Variants in CCDC77 observed in about 807,000 individuals in gnomAD.
CCDC77 encodes the protein coiled-coil domain containing 77, also known as coiled-coil domain-containing protein 77.
Under a neutral mutation model 66.8 loss-of-function variants are expected in CCDC77, and 56 were observed. That is an observed-to-expected ratio of 0.84 (90% CI 0.68 to 1.05). CCDC77 has a LOEUF of 1.05. CCDC77 is among the 50% of genes least tolerant of loss of function. CCDC77 has a pLI of 0.00. For synonymous variants in CCDC77, 196 were observed against 195.2 expected (o/e 1.00, Z -0.03); for missense variants, 570 against 576.8 (o/e 0.99, Z 0.12).
rs532351706 is a variant in CCDC77, at chr12:409,759, G to C, written c.38+338G>C. ...TCCTGTAATCCCAGCACTTTGGGAGGCTGAGGTGGGCAGGTCACAAGGTCA... is the reference window on the plus strand; with the variant it reads ...TCCTGTAATCCCAGCACTTTGGGAGCCTGAGGTGGGCAGGTCACAAGGTCA... On this transcript the variant is annotated intron_variant, in intron 3 of 12. Transcript: ENST00000239830. The C allele has an allele frequency of 1.7e-5, 3 of 175,512 alleles. No homozygotes were observed. In the Admixed American group the frequency reaches 1.8e-4, roughly 11 times the overall value. 10.9% of individuals were successfully genotyped at this position (175,512 alleles called of 1,614,324 possible). A position where few individuals can be genotyped will look rare whatever the true frequency, so the allele number is the denominator to read the frequency against.
At position 409,370 on chromosome 12, in the gene CCDC77, G is replaced by A; in HGVS notation, c.-14G>A. Reference sequence around the variant, plus strand: ...ATGAATTTTTGTGTATTTGATAGGTGTGAAAAAGACAGCATGAACTTTACC... The same window carrying A: ...ATGAATTTTTGTGTATTTGATAGGTATGAAAAAGACAGCATGAACTTTACC... On this transcript the variant is annotated splice_region_variant and 5_prime_UTR_variant, in exon 3 of 13. It adds an upstream start codon to the 5' untranslated region. Transcript: ENST00000239830. 1.2e-6 allele frequency: 2 copies of A among 1,611,604 alleles called. No homozygotes were observed. Among genetic ancestry groups the A allele is most frequent in the Middle Eastern group, 1.7e-4 (1 of 6,058 alleles).
At chr12:414,195 G>A (rs1297734667) in intron 4 of CCDC77, among the ~76,000 whole-genome samples, 1 of 149,570 alleles carries the variant, frequency 6.7e-6, no homozygotes, top group Admixed American at 6.6e-5. Context: ...GGGTTCAAAC[G>A]ATTCTCCTAC....
chr12:428,699 C>A, intron 5 of CCDC77, 70 bp from the exon 6 acceptor site: 2 of 1,022,050 alleles, frequency 2.0e-6, no homozygotes, highest in Non-Finnish European at 2.9e-6. Context: ...AAGGGAGATC[C>A]TTTAAACAGA....
Position 440,955 on chromosome 12 carries a change from C to T in CCDC77, c.1279C>T (p.Leu427Phe), listed in dbSNP as rs771617078. ...VEGFKTDIKV[L>F]RQKLKDLEQM... ...AGGCTTTAAGACAGATATTAAAGTT[C>T]TCCGACAGAAACTGAAAGACTTGGA... The change falls in exon 12 of 13, where the codon CTC becomes TTC. Residue 427 changes from leucine (L) to phenylalanine (F), a missense_variant. Leu to Phe is a conservative substitution (Grantham distance 22, BLOSUM62 0). Transcript: ENST00000239830. 17 of 1,612,996 alleles carry T rather than the reference C, an allele frequency of 1.1e-5. No individual in the cohort carries two copies. The highest frequency in any genetic ancestry group is 1.6e-4 in the Middle Eastern group (1 of 6,084).
chr12:406,349 A>G (rs556290171), intron 2 of CCDC77, among the ~76,000 whole-genome samples: 1 of 152,330 alleles, frequency 6.6e-6, no homozygotes, highest in South Asian at 2.1e-4. Context: ...ATAAATGGGG[A>G]AAGAACATCA....
chr12:433,352 G>C (rs1236062306), intron 9 of CCDC77, 30 bp downstream of exon 9: 7 of 1,606,374 alleles, frequency 4.4e-6, no homozygotes, highest in Admixed American at 3.4e-5. Flanking sequence ...GTACCTAACG[G>C]GTATTGTATT....
At chr12:394,782 A>G (rs1016682801) in intron 1 of CCDC77, among the ~76,000 whole-genome samples, 1 of 152,216 alleles carries the variant, frequency 6.6e-6, no homozygotes, top group African/African-American at 2.4e-5. Context: ...AAGAAAAGCA[A>G]TCTAATGGGG....
intron 10 of CCDC77, among the ~76,000 whole-genome samples, chr12:439,753 C>T (rs1945827064): frequency 6.6e-6 from 1 of 151,488 alleles, no homozygotes; most frequent in South Asian, 2.1e-4. Flanking sequence ...GCACTCCAGC[C>T]CAGTGACAGA....
intron 7 of CCDC77, among the ~76,000 whole-genome samples, chr12:431,377 C>T (rs1325661344): frequency 6.6e-6 from 1 of 152,036 alleles, no homozygotes; most frequent in Non-Finnish European, 1.5e-5. Flanking sequence ...TGCCACCACA[C>T]CTGGCTAATT....
At chr12:413,803 AT>A (rs1341144176) in intron 4 of CCDC77, among the ~76,000 whole-genome samples, 4 of 148,444 alleles carry the variant, frequency 2.7e-5, no homozygotes, top group Non-Finnish European at 6.0e-5. Context: ...AATTTTTTGT[AT>A]TTTAGTAGAG....
At chr12:418,698 C>A in intron 5 of CCDC77, 62 bp downstream of exon 5, 3 of 1,508,506 alleles carry the variant, frequency 2.0e-6, no homozygotes, top group South Asian at 1.2e-5. Context: ...TTCATTCATT[C>A]ATTCATTCAT....
At chr12:416,371 G>T (rs1163110833) in intron 4 of CCDC77, among the ~76,000 whole-genome samples, 2 of 27,652 alleles carry the variant, frequency 7.2e-5, no homozygotes, top group Non-Finnish European at 1.5e-4. Context: ...GTGTGTGTGT[G>T]TGTGTGTATA....
chr12:398,330 A>G (rs528467666), upstream of CCDC77, among the ~76,000 whole-genome samples: 2 of 152,338 alleles, frequency 1.3e-5, no homozygotes, highest in Admixed American at 6.5e-5. Flanking sequence ...CATCTTCACC[A>G]GGAGTAGATT....
intron 12 of CCDC77, among the ~76,000 whole-genome samples, chr12:441,430 C>G (rs2286606): frequency 5.3e-5 from 8 of 151,930 alleles, no homozygotes; most frequent in Non-Finnish European, 1.0e-4. Flanking sequence ...AAAGAGGAGA[C>G]GCCTGCTTTC....
In CCDC77 at chr12:433,154, C is replaced by A. The variant is rs774296566; in HGVS notation, c.673-20C>A. ...AGTGGAAGTAGGGCTGGATTCCTCA[C>A]CCCTTTTTGGCCTGTCTAGGTGGAA... On this transcript the variant is annotated intron_variant, in intron 8 of 12. Coordinates refer to ENST00000239830, the MANE Select transcript of CCDC77 (RefSeq NM_032358.4). 2.1e-5 allele frequency: 34 copies of A among 1,598,576 alleles called. No homozygotes were observed. Among genetic ancestry groups the A allele is most frequent in the Non-Finnish European group, 2.9e-5 (34 of 1,172,526 alleles).
At chr12:415,926 C>T (rs1339376308) in intron 4 of CCDC77, among the ~76,000 whole-genome samples, 3 of 152,084 alleles carry the variant, frequency 2.0e-5, no homozygotes, top group African/African-American at 7.2e-5. Flanking sequence ...CTGCCTCAGC[C>T]TCCTGAGTAG....
rs1315589545 is a variant in CCDC77, at chr12:423,501, T to TTG, written c.413+4866_413+4867insGT. On this transcript the variant is annotated intron_variant, in intron 5 of 12. Transcript: ENST00000239830. ...TGTGTTTTTTTTTGTTTTGTTTTTT[T>TTG]TTTTTTTTTTTTGAGACAGGGTCTT... 4.1e-3 allele frequency among the ~76,000 whole-genome samples: 425 copies of TTG among 103,128 alleles called. 24 individuals are homozygous for TTG. The highest frequency in any genetic ancestry group is 6.8e-3 in the Non-Finnish European group (360 of 52,944). The allele number at this position is 103,128 out of a possible 152,430, so 67.7% of individuals were successfully genotyped here.
chr12:392,223 A>C (rs1397555119), intron 1 of CCDC77, among the ~76,000 whole-genome samples: 1 of 152,210 alleles, frequency 6.6e-6, no homozygotes, highest in African/African-American at 2.4e-5. Flanking sequence ...CCTGAGTGTT[A>C]AAATAGACTA....
chr12:440,250 AGG>A (rs1331440943), intron 10 of CCDC77, among the ~76,000 whole-genome samples: 4 of 152,242 alleles, frequency 2.6e-5, no homozygotes, highest in Admixed American at 2.0e-4. Flanking sequence ...ACTGCTCAAT[AGG>A]GCATGTATAA....
Sources: gnomAD v4.1 joint callset for allele counts (sites outside exome capture counted in the v4.1 genomes callset) on GRCh38, gnomAD v4.1.1 for gene constraint, MANE v1.5 for transcripts, NCBI Gene and HGNC (gene_info 2026-07-23, HGNC 2026-07-21) for gene names.